Variants in CPSF1 observed in about 807,000 individuals in gnomAD.
The protein encoded by CPSF1 is cleavage and polyadenylation specific factor 1, also known as cleavage and polyadenylation specificity factor subunit 1.
In CPSF1, 106 loss-of-function variants were observed where a neutral mutation model predicts 175.8. That is an observed-to-expected ratio of 0.60 (90% CI 0.52 to 0.71). The LOEUF (loss-of-function observed/expected upper bound fraction) is 0.71, where lower values mean the gene tolerates loss of function less well. Among genes scored for constraint, CPSF1 ranks in the 30% least tolerant of loss-of-function variants. CPSF1 has a pLI of 0.00. For missense variants in CPSF1, 1,734 were observed against 2,022.9 expected (o/e 0.86, Z 2.74); for synonymous variants, 1,024 against 858.3 (o/e 1.19, Z -3.37).
At chr8:144,407,967 T>C (rs1821582828) in intron 2 of CPSF1, among the ~76,000 whole-genome samples, 1 of 152,190 alleles carries the variant, frequency 6.6e-6, no homozygotes, top group Non-Finnish European at 1.5e-5. Context: ...TGCGGCCTCC[T>C]GCCAATAGTG....
chr8:144,399,796 G>A lies in CPSF1; in HGVS notation c.1104C>T (p.Ser368=), dbSNP rs2116866336. Residue 368 remains serine (S), a synonymous_variant, in exon 11 of 38, where the codon AGC becomes AGT. Transcript: ENST00000616140. This position sits in a 1 kb window ranked among gnomAD's most constrained non-coding sequence, Gnocchi z 6.4. The part of the protein sequence containing the change: ...RAFHFDKAAA[S]VLTTSMVTME... ...CCCAACTCACGCTGGTGGTGAGGAC[G>A]CTGGCGGCCGCCTTGTCAAAGTGGA... 3.1e-5 allele frequency: 48 copies of A among 1,565,030 alleles called. No homozygotes were observed. The highest frequency in any genetic ancestry group is 4.8e-5 in the East Asian group (2 of 41,858).
In CPSF1 at chr8:144,409,278, C is replaced by CGGCCGCCCACCT; in HGVS notation, c.-16_-15+10dup. On this transcript the variant is annotated intron_variant, in intron 1 of 37. Transcript: ENST00000616140. Reference sequence around the variant, plus strand: ...CGCGCTGCCGCCTCGGCCGCCCGCCCGGCCGCCCACCTGGCAGTTGGAGCC... The same window carrying CGGCCGCCCACCT: ...CGCGCTGCCGCCTCGGCCGCCCGCCCGGCCGCCCACCTGGCCGCCCACCTGGCAGTTGGAGCC... The CGGCCGCCCACCT allele has an allele frequency of 1.0e-6, 1 of 963,532 alleles. No individual in the cohort carries two copies. Among genetic ancestry groups the CGGCCGCCCACCT allele is most frequent in the East Asian group, 3.9e-5 (1 of 25,856 alleles). The allele number at this position is 963,532 out of a possible 1,614,324, so 59.7% of individuals were successfully genotyped here. A position where few individuals can be genotyped will look rare whatever the true frequency, so the allele number is the denominator to read the frequency against.
Position 144,401,670 on chromosome 8 carries a change from G to A in CPSF1, c.148C>T (p.Leu50=), listed in dbSNP as rs2116886493. 6.2e-6 allele frequency: 10 copies of A among 1,608,110 alleles called. No individual in the cohort carries two copies. The African/African-American group carries it at 1.3e-4, about 21-fold the overall frequency. The part of the protein sequence containing the change: ...VYRLNRDAEA[L]TKNDRSTEGK... ...CCTGTGCTCCTGTCATTCTTGGTCA[G>A]AGCCTGGAGGGGAGAGAAAGACAGG... The change falls in exon 3 of 38, where the codon CTG becomes TTG. Residue 50 remains leucine, a synonymous_variant. Transcript: ENST00000616140.
chr8:144,407,627 A>C (rs2116908997), intron 2 of CPSF1, among the ~76,000 whole-genome samples: 1 of 152,104 alleles, frequency 6.6e-6, no homozygotes, highest in East Asian at 1.9e-4. Flanking sequence ...TGAACCCACG[A>C]GGCGGAGGTT....
rs1554863219 is a variant in CPSF1, at chr8:144,395,157, C to A, written c.3213G>T (p.Gln1071His). The A allele has an allele frequency of 1.2e-6, 2 of 1,612,652 alleles. No homozygotes were observed. Among genetic ancestry groups the A allele is most frequent in the Non-Finnish European group, 1.7e-6 (2 of 1,179,590 alleles). Residue 1071 changes from glutamine to histidine, a missense_variant, in exon 29 of 38, where the codon CAG becomes CAT. Gln to His is a conservative substitution (Grantham distance 24). This residue lies in a region of CPSF1 where 585 missense variants were observed against 584.7 expected (regional missense o/e 1.00). Transcript: ENST00000616140. ...AGATGAGCTGGATGGAGAAGGCCTC[C>A]TGCTGGGGGTGGATGTACCGCTCAT... Reference protein sequence around the residue: ...ERDERYIHPQQEAFSIQLISP... With the variant: ...ERDERYIHPQHEAFSIQLISP...
chr8:144,394,904 TC>T lies in CPSF1; in HGVS notation c.3391del (p.Glu1131ArgfsTer10). On this transcript the variant is annotated frameshift_variant, in exon 30 of 38. Coordinates refer to ENST00000616140, the MANE Select transcript of CPSF1 (RefSeq NM_013291.3). LOFTEE classifies it high-confidence loss of function. ...VAAGTCLMQG[E>X]EVTCRGRILI... ...TACCCGCCCTCGGCACGTGACCTCC[TC>T]CCCCTGCATGAGGCAGGTCCCGGCG... 2 of 1,611,980 alleles carry T rather than the reference TC, an allele frequency of 1.2e-6. No individual in the cohort carries two copies. Among genetic ancestry groups the T allele is most frequent in the Non-Finnish European group, 1.7e-6 (2 of 1,179,528 alleles).
chr8:144,406,940 A>G (rs1821529845), intron 2 of CPSF1, among the ~76,000 whole-genome samples: 1 of 151,530 alleles, frequency 6.6e-6, no homozygotes, highest in African/African-American at 2.4e-5. Flanking sequence ...TTTTTTTTAG[A>G]TGGAGTTTTG....
Position 144,396,943 on chromosome 8 carries a change from G to C in CPSF1, c.2593-14C>G. ...GTCCACATGCACCTGGCAGGATGAG[G>C]GGAGCCATGGGGGAACGGGCAGGGC... On this transcript the variant is annotated splice_polypyrimidine_tract_variant and intron_variant, in intron 23 of 37. Transcript: ENST00000616140. The C allele has an allele frequency of 6.3e-7, 1 of 1,589,470 alleles. No homozygotes were observed. The highest frequency in any genetic ancestry group is 8.6e-7 in the Non-Finnish European group (1 of 1,159,324).
chr8:144,398,474 C>T, intron 18 of CPSF1, 31 bp from the exon 19 acceptor site: 1 of 1,611,946 alleles, frequency 6.2e-7, no homozygotes, highest in Non-Finnish European at 8.5e-7. Flanking sequence ...GGAGGCGCCC[C>T]CCGCAGGGGA....
rs1006318880 is a variant in CPSF1 at position 144,398,582 on chromosome 8, T to C, written c.1695A>G (p.Ala565=). 1 of 1,613,938 alleles carries C rather than the reference T, an allele frequency of 6.2e-7. No individual in the cohort carries two copies. The highest frequency in any genetic ancestry group is 8.5e-7 in the Non-Finnish European group (1 of 1,179,968). The part of the protein sequence containing the change: ...TEQEPSTTPE[A]DDDGRRHGFL... ...ATCCGTGTCTGCGGCCGTCGTCGTC[T>C]GCTTCAGGGGTGGTGCTGGGTTCCT... Residue 565 remains alanine, a synonymous_variant, in exon 18 of 38, where the codon GCA becomes GCG. Transcript: ENST00000616140.
Position 144,400,271 on chromosome 8 carries a change from C to A in CPSF1, c.832G>T (p.Val278Leu). 6.2e-7 allele frequency: 1 copy of A among 1,603,980 alleles called. No homozygotes were observed. Among genetic ancestry groups the A allele is most frequent in the Non-Finnish European group, 8.5e-7 (1 of 1,172,896 alleles). Reference sequence around the variant, plus strand: ...AGCGAGTTGACGGCAAACACCACCACCCCACCTGGAGGTGGACACAGGCTG... The same window carrying A: ...AGCGAGTTGACGGCAAACACCACCAACCCACCTGGAGGTGGACACAGGCTG... ...ALAVPKPIGG[V>L]VVFAVNSLLY... is the part of the protein sequence containing the mutation. Residue 278 changes from valine to leucine, a missense_variant, in exon 9 of 38, where the codon GTG becomes TTG. Val to Leu is a conservative substitution (Grantham distance 32). This residue lies in a region of CPSF1 where 61 missense variants were observed against 104.0 expected (regional missense o/e 0.59). Transcript: ENST00000616140.
intron 9 of CPSF1, 31 bp downstream of exon 9, chr8:144,400,135 G>GGGGCGCCCCCCCCCCC: frequency 1.1e-6 from 1 of 896,012 alleles, no homozygotes; most frequent in Non-Finnish European, 1.6e-6. Context: ...CCGTCCCCGG[G>GGGGCGCCCCCCCCCCC]CCCCCCCCGC....
intron 26 of CPSF1, chr8:144,396,125 G>C (rs1198692651): frequency 1.7e-6 from 1 of 583,276 alleles, no homozygotes; most frequent in Non-Finnish European, 3.0e-6. Context: ...GAGCAGTGGT[G>C]GGGACCCCAG....
At position 144,409,085 on chromosome 8, in the gene CPSF1, T is replaced by C; in HGVS notation, c.74A>G (p.Asn25Ser). The C allele has an allele frequency of 6.2e-7, 1 of 1,613,858 alleles. No homozygotes were observed. The highest frequency in any genetic ancestry group is 1.1e-5 in the South Asian group (1 of 91,088). ...GGCCACTACCAGGTTGCGCTCGCTG[T>C]TGTTGAAGAAGTTGCAGTACATGGA... ...EFSMYCNFFN[N>S]SERNLVVAGT... is the part of the protein sequence containing the mutation. The change falls in exon 2 of 38, where the codon AAC becomes AGC. Residue 25 changes from asparagine (N) to serine (S), a missense_variant. By Grantham distance (46) the Asn-to-Ser change is conservative. Coordinates refer to ENST00000616140, the MANE Select transcript of CPSF1 (RefSeq NM_013291.3).
rs143095025 is a variant in CPSF1, at chr8:144,397,862, C to T, written c.2091G>A (p.Thr697=). Residue 697 remains threonine, a synonymous_variant, in exon 21 of 38, where the codon ACG becomes ACA. Coordinates refer to ENST00000616140, the MANE Select transcript of CPSF1 (RefSeq NM_013291.3). ...PPLHHQSKVI[T]LCLYRDLSGM... is the part of the protein sequence containing the mutation. ...CGCTGAGGTCTCGGTACAGGCACAG[C>T]GTAATCACCTTGGACTGCTGCGGGG... 76 of 1,609,034 alleles carry T rather than the reference C, an allele frequency of 4.7e-5. No individual in the cohort carries two copies. Among genetic ancestry groups the T allele is most frequent in the Middle Eastern group, 3.3e-4 (2 of 6,050 alleles).
intron 33 of CPSF1, 31 bp from the exon 34 acceptor site, chr8:144,394,191 G>A: frequency 6.2e-7 from 1 of 1,612,306 alleles, no homozygotes; most frequent in Non-Finnish European, 8.5e-7. Flanking sequence ...GTCAGCCCCG[G>A]CCACCCCCAG....
intron 2 of CPSF1, among the ~76,000 whole-genome samples, chr8:144,403,081 G>A (rs2116893541): frequency 7.0e-5 from 10 of 141,860 alleles, no homozygotes; most frequent in Admixed American, 2.3e-4. Context: ...TCCTAGTAAA[G>A]CAAAAATAGG....
rs1554863742 is a variant in CPSF1, at chr8:144,396,448, G to A, written c.2879C>T (p.Ala960Val). 1.9e-6 allele frequency: 3 copies of A among 1,599,238 alleles called. No individual in the cohort carries two copies. The highest frequency in any genetic ancestry group is 2.6e-6 in the Non-Finnish European group (3 of 1,174,262). The change falls in exon 26 of 38, where the codon GCT (alanine) becomes GTT (valine). Residue 960 changes from alanine to valine, a missense_variant. By Grantham distance (64) the Ala-to-Val change is moderately conservative. Transcript: ENST00000616140. ...GATGGCCATGGGGTGTAGCCGCAGA[G>A]CCCCTCGGCCGGTCACCAAGAGCCA... ...PHWLLVTGRG[A>V]LRLHPMAIDG...
At chr8:144,406,149 C>G (rs2116904238) in intron 2 of CPSF1, among the ~76,000 whole-genome samples, 1 of 124,222 alleles carries the variant, frequency 8.1e-6, no homozygotes, top group African/African-American at 3.1e-5. Context: ...ATAGCAAGAC[C>G]CCGTTTCTTA....
Sources: allele counts gnomAD v4.1 joint callset (sites outside exome capture counted in the v4.1 genomes callset), GRCh38; gene constraint gnomAD v4.1.1; regional missense constraint gnomAD v4.1.1; non-coding constraint Gnocchi (gnomAD v3.1); transcripts MANE v1.5; gene names NCBI Gene and HGNC (gene_info 2026-07-23, HGNC 2026-07-21).